Variants in TMEM123 observed in about 807,000 individuals in gnomAD.
The protein encoded by TMEM123 is porimin.
A neutral mutation model predicts 19.7 loss-of-function variants in TMEM123; 16 were observed. That is an observed-to-expected ratio of 0.81 (90% CI 0.55 to 1.23). The LOEUF (loss-of-function observed/expected upper bound fraction) is 1.23. TMEM123 is among the 50% of genes most tolerant of loss of function. The pLI, the probability that TMEM123 is intolerant of heterozygous loss-of-function variation, is 0.00. For synonymous variants in TMEM123, 118 were observed against 99.4 expected (o/e 1.19, Z -1.12); for missense variants, 313 against 257.8 (o/e 1.21, Z -1.47).
At chr11:102,414,050 C>G (rs910740392) in intron 2 of TMEM123, among the ~76,000 whole-genome samples, 4 of 152,050 alleles carry the variant, frequency 2.6e-5, no homozygotes, top group Admixed American at 1.3e-4. Context: ...AAATTCATGA[C>G]AAGGATTTCA....
chr11:102,398,677 G>A lies in TMEM123; in HGVS notation c.*190C>T, dbSNP rs1163121578. 7.5e-5 allele frequency: 45 copies of A among 597,536 alleles called. No homozygotes were observed. Among genetic ancestry groups the A allele is most frequent in the Non-Finnish European group, 1.2e-4 (42 of 353,500 alleles). The allele number at this position is 597,536 out of a possible 1,614,324, so 37.0% of individuals were successfully genotyped here. A position where few individuals can be genotyped will look rare whatever the true frequency, so the allele number is the denominator to read the frequency against. On this transcript the variant is annotated 3_prime_UTR_variant, in exon 5 of 5. Coordinates refer to ENST00000398136, the MANE Select transcript of TMEM123 (RefSeq NM_052932.3). Reference sequence around the variant, plus strand: ...ATGAACGGTCTATAAGGATCCAGATGTTTATTTCAAAACCCAAACCCTTGT... The same window carrying A: ...ATGAACGGTCTATAAGGATCCAGATATTTATTTCAAAACCCAAACCCTTGT...
At chr11:102,429,364 G>T (rs1185047177) in intron 2 of TMEM123, among the ~76,000 whole-genome samples, 1 of 151,980 alleles carries the variant, frequency 6.6e-6, no homozygotes, top group Non-Finnish European at 1.5e-5. Flanking sequence ...TCACGCTTAC[G>T]GTTCCTCTTC....
intron 2 of TMEM123, among the ~76,000 whole-genome samples, chr11:102,439,567 G>A (rs987837688): frequency 6.6e-6 from 1 of 152,058 alleles, no homozygotes; most frequent in Non-Finnish European, 1.5e-5. Flanking sequence ...AAAGACCAAA[G>A]GTAGATAAAA....
chr11:102,423,017 C>A (rs1255078897), intron 2 of TMEM123, among the ~76,000 whole-genome samples: 3 of 152,046 alleles, frequency 2.0e-5, no homozygotes, highest in Non-Finnish European at 2.9e-5. Context: ...CCTACTGACT[C>A]GACAATCCCA....
intron 2 of TMEM123, among the ~76,000 whole-genome samples, chr11:102,417,411 C>T (rs866633540): frequency 5.3e-4 from 81 of 152,140 alleles, no homozygotes; most frequent in African/African-American, 1.9e-3. Context: ...ACTCCCTTCC[C>T]CCACCACAAA....
At chr11:102,443,962 T>C (rs1412665911) in intron 2 of TMEM123, among the ~76,000 whole-genome samples, 2 of 152,160 alleles carry the variant, frequency 1.3e-5, no homozygotes, top group Non-Finnish European at 2.9e-5. Flanking sequence ...TCATCACTGG[T>C]CATCAGAGAA....
intron 2 of TMEM123, among the ~76,000 whole-genome samples, chr11:102,414,979 G>T (rs1417745597): frequency 6.6e-6 from 1 of 152,130 alleles, no homozygotes; most frequent in East Asian, 1.9e-4. Flanking sequence ...ACACCCACGG[G>T]CTCAAAATAA....
At position 102,398,381 on chromosome 11, in the gene TMEM123, G is replaced by A. The variant is rs1333008002; in HGVS notation, c.*486C>T. 5.1e-6 allele frequency: 2 copies of A among 393,346 alleles called. No individual in the cohort carries two copies. The highest frequency in any genetic ancestry group is 4.5e-6 in the Non-Finnish European group (1 of 223,406). The allele number at this position is 393,346 out of a possible 1,614,324, so 24.4% of individuals were successfully genotyped here. ...GATGTTTTTCTTAAATTATGCTTCAGATCTAGTTTGATTGTATAATTTCTG... is the reference window on the plus strand; with the variant it reads ...GATGTTTTTCTTAAATTATGCTTCAAATCTAGTTTGATTGTATAATTTCTG... On this transcript the variant is annotated 3_prime_UTR_variant, in exon 5 of 5. Transcript: ENST00000398136.
At chr11:102,451,900 G>A (rs976168355) in intron 1 of TMEM123, among the ~76,000 whole-genome samples, 2 of 152,230 alleles carry the variant, frequency 1.3e-5, no homozygotes, top group East Asian at 1.9e-4. Flanking sequence ...TGGCACACGA[G>A]GGGTGGAGAG....
chr11:102,428,605 C>T (rs908108525), intron 2 of TMEM123, among the ~76,000 whole-genome samples: 2 of 151,204 alleles, frequency 1.3e-5, no homozygotes, highest in Admixed American at 1.3e-4. Flanking sequence ...GTGTGCCCGG[C>T]CCCCCCAAAA....
intron 2 of TMEM123, among the ~76,000 whole-genome samples, chr11:102,445,270 T>G (rs1857871419): frequency 6.6e-6 from 1 of 152,224 alleles, no homozygotes; most frequent in Admixed American, 6.5e-5. Flanking sequence ...TATGAATTCT[T>G]TAGTTAGAAA....
At chr11:102,415,663 C>T (rs1038961838) in intron 2 of TMEM123, among the ~76,000 whole-genome samples, 1 of 152,282 alleles carries the variant, frequency 6.6e-6, no homozygotes, top group South Asian at 2.1e-4. Context: ...ATCTGTGAGA[C>T]ATGGCTAAAG....
chr11:102,431,341 T>G (rs574579534), intron 2 of TMEM123, among the ~76,000 whole-genome samples: 85 of 152,354 alleles, frequency 5.6e-4, no homozygotes, highest in African/African-American at 2.0e-3. Context: ...TGAATACATG[T>G]AGAATAATTT....
At chr11:102,406,681 C>T (rs1288123339) in intron 2 of TMEM123, among the ~76,000 whole-genome samples, 1 of 151,918 alleles carries the variant, frequency 6.6e-6, no homozygotes, top group East Asian at 1.9e-4. Context: ...CGATCACTGG[C>T]TAACACAGTG....
chr11:102,425,415 A>G (rs1034715468), intron 2 of TMEM123, among the ~76,000 whole-genome samples: 1 of 152,110 alleles, frequency 6.6e-6, no homozygotes. Context: ...CCTTCTTTTG[A>G]GCATAGACCC....
At chr11:102,400,399 T>C (rs1298711706) in intron 4 of TMEM123, among the ~76,000 whole-genome samples, 6 of 152,114 alleles carry the variant, frequency 3.9e-5, no homozygotes, top group Admixed American at 2.0e-4. Context: ...AGAAGTCTTA[T>C]AGTAAACTGT....
intron 2 of TMEM123, among the ~76,000 whole-genome samples, chr11:102,444,623 G>A (rs185924615): frequency 1.3e-5 from 2 of 152,050 alleles, no homozygotes; most frequent in East Asian, 3.9e-4. Context: ...CACCAACATG[G>A]CATATGTATA....
At chr11:102,404,376 T>TG (rs1260816427) in intron 2 of TMEM123, among the ~76,000 whole-genome samples, 1 of 151,486 alleles carries the variant, frequency 6.6e-6, no homozygotes, top group Non-Finnish European at 1.5e-5. Flanking sequence ...CTCCGCCTTC[T>TG]GGGTTCAAGC....
In TMEM123 at chr11:102,401,584, C is replaced by A. The variant is rs1185876240; in HGVS notation, c.557G>T (p.Gly186Val). The change falls in exon 4 of 5, where the codon GGA (glycine) becomes GTA (valine). Residue 186 changes from glycine to valine, a missense_variant. Gly to Val is a moderately radical substitution (Grantham distance 109). Coordinates refer to ENST00000398136, the MANE Select transcript of TMEM123 (RefSeq NM_052932.3). The stretch of plus-strand genomic sequence containing the variant: ...TCTTCTTGAGTAATACATTTTGCAT[C>A]CAATGTAAAGAATAGATAAAACTCC... ...TLGVLSILYI[G>V]CKMYYSRRGI... is the part of the protein sequence containing the mutation. 1 of 1,599,074 alleles carries A rather than the reference C, an allele frequency of 6.3e-7. No individual in the cohort carries two copies. The highest frequency in any genetic ancestry group is 8.5e-7 in the Non-Finnish European group (1 of 1,176,208).
Sources: allele counts gnomAD v4.1 joint callset (sites outside exome capture counted in the v4.1 genomes callset), GRCh38; gene constraint gnomAD v4.1.1; transcripts MANE v1.5; gene names NCBI Gene and HGNC (gene_info 2026-07-23, HGNC 2026-07-21).